The following ATF7 variants were observed in gnomAD, a reference collection of about 807,000 sequenced individuals.
ATF7 encodes cyclic AMP-dependent transcription factor ATF-7.
In ATF7, 10 loss-of-function variants were observed where a neutral mutation model predicts 50.4. The observed-to-expected ratio is 0.20, with a 90% CI of 0.12 to 0.34. ATF7 has a LOEUF of 0.34. ATF7 is among the 10% of genes least tolerant of loss of function. The pLI is 1.00. For synonymous variants in ATF7, 201 were observed against 226.4 expected (o/e 0.89, Z 1.01); for missense variants, 465 against 613.9 (o/e 0.76, Z 2.56).
At chr12:53,519,967 C>T (rs1307803732) in intron 11 of ATF7, among the ~76,000 whole-genome samples, 2 of 152,080 alleles carry the variant, frequency 1.3e-5, no homozygotes, top group Non-Finnish European at 2.9e-5. Flanking sequence ...AGGATGGTCT[C>T]GATCTCCTGA....
At chr12:53,602,715 T>C (rs1487626606) in intron 1 of ATF7, among the ~76,000 whole-genome samples, 1 of 152,198 alleles carries the variant, frequency 6.6e-6, no homozygotes, top group Non-Finnish European at 1.5e-5. Context: ...CAGCTCAAGC[T>C]GATGATTGGG....
chr12:53,539,793 G>A (rs1346231349), intron 4 of ATF7, among the ~76,000 whole-genome samples: 1 of 152,182 alleles, frequency 6.6e-6, no homozygotes, highest in Admixed American at 6.5e-5. Context: ...ACAAGACCAG[G>A]TGTGGTGGCT....
At position 53,588,967 on chromosome 12, in the gene ATF7, A is replaced by G. The variant is rs114600113; in HGVS notation, c.48+11986T>C. On this transcript the variant is annotated intron_variant, in intron 2 of 11. Transcript: ENST00000420353. ...TGTTTGCTTTGTTTTTTGCTCAGGC[A>G]GAGCTCAGCTACAGATTTAGCTCTC... 3.4e-3 allele frequency among the ~76,000 whole-genome samples: 512 copies of G among 152,154 alleles called. 2 individuals carry two copies. Among genetic ancestry groups the G allele is most frequent in the African/African-American group, 0.012 (485 of 41,508 alleles).
At chr12:53,583,417 G>T (rs2137716537) in intron 2 of ATF7, among the ~76,000 whole-genome samples, 1 of 151,900 alleles carries the variant, frequency 6.6e-6, no homozygotes, top group Non-Finnish European at 1.5e-5. Flanking sequence ...CCATCTAGTT[G>T]CAGGAAAACA....
At chr12:53,619,486 CAAAAAAAAAAAA>C (rs112474373) in intron 1 of ATF7, among the ~76,000 whole-genome samples, 3 of 64,054 alleles carry the variant, frequency 4.7e-5, no homozygotes, top group Non-Finnish European at 9.5e-5. Context: ...GACTCCGTGT[CAAAAAAAAAAAA>C]AAAAAGAAAA....
chr12:53,519,195 G>C (rs1404666391), intron 11 of ATF7, among the ~76,000 whole-genome samples: 4 of 152,098 alleles, frequency 2.6e-5, no homozygotes, highest in Admixed American at 6.5e-5. Flanking sequence ...CATGTACCAG[G>C]CATGGGTACA....
At chr12:53,542,773 G>A (rs1592829005) in intron 4 of ATF7, 5 of 319,314 alleles carry the variant, frequency 1.6e-5, no homozygotes, top group Non-Finnish European at 1.8e-5. Context: ...TTCTTTCACC[G>A]TCCTGGTTGA....
intron 2 of ATF7, among the ~76,000 whole-genome samples, chr12:53,584,228 C>A (rs938986189): frequency 6.6e-6 from 1 of 152,170 alleles, no homozygotes; most frequent in African/African-American, 2.4e-5. Context: ...GTGATCCACC[C>A]GCCTTGGCCT....
At chr12:53,548,820 A>C (rs2137477859) in intron 3 of ATF7, among the ~76,000 whole-genome samples, 1 of 152,264 alleles carries the variant, frequency 6.6e-6, no homozygotes, top group Non-Finnish European at 1.5e-5. Flanking sequence ...CCATCTTTAC[A>C]AAAAATAAAA....
chr12:53,530,437 CTG>C (rs1196264774), intron 9 of ATF7, among the ~76,000 whole-genome samples: 2 of 152,180 alleles, frequency 1.3e-5, no homozygotes, highest in Non-Finnish European at 2.9e-5. Context: ...CTTGTTAAAA[CTG>C]AGATCTCCTT....
chr12:53,586,023 T>G (rs889002607), intron 2 of ATF7, among the ~76,000 whole-genome samples: 4 of 152,188 alleles, frequency 2.6e-5, no homozygotes, highest in African/African-American at 9.7e-5. Context: ...GGCAGTCAAA[T>G]ATGCATAACT....
At chr12:53,600,646 TTCTAAACTTGCTTTGTATTTAGATGGAC>T (rs1943359354) in intron 2 of ATF7, 1 of 225,084 alleles carries the variant, frequency 4.4e-6, no homozygotes, top group Non-Finnish European at 8.8e-6. Context: ...GAGAAAACAT[TTCTAAACTTGCTTTGTATTTAGATGGAC>T]AGCTTTAGAA....
intron 2 of ATF7, 145 bp downstream of exon 2, chr12:53,600,808 C>A (rs2094382886): frequency 1.4e-6 from 1 of 722,872 alleles, no homozygotes; most frequent in Non-Finnish European, 2.3e-6. Context: ...TTCCTCATAA[C>A]TTGGATTTAC....
chr12:53,517,577 T>A, intron 11 of ATF7: 1 of 570,532 alleles, frequency 1.8e-6, no homozygotes, highest in Non-Finnish European at 3.1e-6. Flanking sequence ...TTAACCTATC[T>A]ATTCCAATAA....
downstream of ATF7, among the ~76,000 whole-genome samples, chr12:53,511,610 T>C (rs1373164452): frequency 2.6e-5 from 4 of 152,182 alleles, no homozygotes; most frequent in East Asian, 7.7e-4. Flanking sequence ...CTCCTTACCA[T>C]AGAAAGCTAT....
chr12:53,558,990 A>C (rs1423859277), intron 2 of ATF7, among the ~76,000 whole-genome samples: 1 of 152,094 alleles, frequency 6.6e-6, no homozygotes, highest in Non-Finnish European at 1.5e-5. Context: ...CTAAGTAAAG[A>C]GTTAGGATGG....
chr12:53,540,638 A>G (rs758804890), intron 4 of ATF7, among the ~76,000 whole-genome samples: 2 of 152,038 alleles, frequency 1.3e-5, no homozygotes, highest in Non-Finnish European at 2.9e-5. Flanking sequence ...AGGCAGGAGA[A>G]TCGCTTGAAC....
chr12:53,524,413 A>C lies in ATF7; in HGVS notation c.1125+151T>G. On this transcript the variant is annotated intron_variant, in intron 10 of 11. Coordinates refer to ENST00000420353, the MANE Select transcript of ATF7 (RefSeq NM_006856.3). This position sits in a 1 kb window ranked among gnomAD's most constrained non-coding sequence, Gnocchi z 4.6. ...CACCAATACCTATGAAAGAGATTTC[A>C]ACTCTGACCGTTAAGAGATTCTTCA... 1.1e-6 allele frequency: 1 copy of C among 908,358 alleles called. No homozygotes were observed. Among genetic ancestry groups the C allele is most frequent in the South Asian group, 1.7e-5 (1 of 57,366 alleles). 56.3% of individuals were successfully genotyped at this position (908,358 alleles called of 1,614,324 possible).
chr12:53,559,554 C>T (rs1336800932), intron 2 of ATF7, among the ~76,000 whole-genome samples: 1 of 151,862 alleles, frequency 6.6e-6, no homozygotes, highest in Non-Finnish European at 1.5e-5. Flanking sequence ...AGGCGCGTGC[C>T]TGTAGTCCCA....
Sources: gnomAD v4.1 joint callset for allele counts (sites outside exome capture counted in the v4.1 genomes callset) on GRCh38, gnomAD v4.1.1 for gene constraint, Gnocchi (gnomAD v3.1) non-coding constraint, MANE v1.5 for transcripts, NCBI Gene and HGNC (gene_info 2026-07-23, HGNC 2026-07-21) for gene names.